Variants in DNMT1 observed in about 807,000 individuals in gnomAD.
DNMT1 encodes DNA (cytosine-5)-methyltransferase 1.
Under a neutral mutation model 205.3 loss-of-function variants are expected in DNMT1, and 24 were observed. The ratio of observed to expected loss-of-function variants is 0.12; its 90% CI spans 0.08 to 0.16. The LOEUF is 0.16. Among genes scored for constraint, DNMT1 ranks in the 10% least tolerant of loss-of-function variants. The pLI is 1.00. For missense variants in DNMT1, 1,293 were observed against 2,177.7 expected, an observed-to-expected ratio of 0.59 and a Z score of 8.09; for synonymous variants, 817 against 839.8, an observed-to-expected ratio of 0.97 and a Z score of 0.47.
chr19:10,138,437 A>G lies in DNMT1; in HGVS notation c.4115+2T>C. ...TGTGGAGGAGCGACGGGGGCCACCT[A>G]CCTGGTTATGTTGCTCACAAACTTC... is the stretch of plus-strand genomic sequence containing the variant. On this transcript the variant is annotated splice_donor_variant, in intron 35 of 40. Coordinates refer to ENST00000359526, the MANE Select transcript of DNMT1 (RefSeq NM_001130823.3). LOFTEE classifies it high-confidence loss of function. This position sits in a 1 kb window ranked among gnomAD's most constrained non-coding sequence, Gnocchi z 4.1. 1 of 1,613,932 alleles carries G rather than the reference A, an allele frequency of 6.2e-7. No homozygotes were observed. Among genetic ancestry groups the G allele is most frequent in the Non-Finnish European group, 8.5e-7 (1 of 1,180,032 alleles).
intron 34 of DNMT1, among the ~76,000 whole-genome samples, chr19:10,139,245 C>T (rs1329523134): frequency 6.6e-6 from 1 of 152,156 alleles, no homozygotes; most frequent in Non-Finnish European, 1.5e-5. Context: ...GGTTTGTGTG[C>T]GCAGTTACCC....
rs141779159 is a variant in DNMT1 at position 10,142,402 on chromosome 19, C to G, written c.3117-182G>C. Among the ~76,000 whole-genome samples, 802 of 149,202 alleles carry G rather than the reference C, an allele frequency of 5.4e-3. 4 individuals carry two copies. The highest frequency in any genetic ancestry group is 0.019 in the African/African-American group (775 of 40,262). On this transcript the variant is annotated intron_variant, in intron 29 of 40. Coordinates refer to ENST00000359526, the MANE Select transcript of DNMT1 (RefSeq NM_001130823.3). ...AGGGTAAAGATATCTCCTCCCCACACTGGGGAACTGCAAGGTAGACTCCCC... is the reference window on the plus strand; with the variant it reads ...AGGGTAAAGATATCTCCTCCCCACAGTGGGGAACTGCAAGGTAGACTCCCC...
At chr19:10,161,785 T>A (rs2038575393) in intron 13 of DNMT1, among the ~76,000 whole-genome samples, 1 of 152,100 alleles carries the variant, frequency 6.6e-6, no homozygotes, top group Admixed American at 6.6e-5. Flanking sequence ...AAGAGACAAT[T>A]ATGGTTAAAT....
chr19:10,148,734 G>T, intron 27 of DNMT1, 150 bp downstream of exon 27: 2 of 1,359,870 alleles, frequency 1.5e-6, no homozygotes, highest in Admixed American at 1.9e-5. Flanking sequence ...ACACACTTGA[G>T]CATCATTCAT....
intron 1 of DNMT1, among the ~76,000 whole-genome samples, chr19:10,192,995 C>G (rs186685864): frequency 6.6e-6 from 1 of 151,956 alleles, no homozygotes; most frequent in Non-Finnish European, 1.5e-5. Flanking sequence ...TGCAGTGAGC[C>G]GAGATCACGC....
At position 10,151,755 on chromosome 19, in the gene DNMT1, C is replaced by T. The variant is rs2145299708; in HGVS notation, c.2112G>A (p.Glu704=). ...GAAGACTCGGCCTGACCTACCTCCG[C>T]TCTTGGCAAGCCTGCTTGCTCCGTC... ...GSGRSKQACQ[E]RRCPNMAMKE... The change falls in exon 23 of 41, where the codon GAG becomes GAA. Residue 704 remains glutamate (E), a synonymous_variant. Transcript: ENST00000359526. This position sits in a 1 kb window ranked among gnomAD's most constrained non-coding sequence, Gnocchi z 5.0. 5 of 1,614,192 alleles carry T rather than the reference C, an allele frequency of 3.1e-6. No individual in the cohort carries two copies. Among genetic ancestry groups the T allele is most frequent in the East Asian group, 2.2e-5 (1 of 44,882 alleles).
At chr19:10,170,632 C>T (rs541633269) in intron 9 of DNMT1, among the ~76,000 whole-genome samples, 1 of 152,218 alleles carries the variant, frequency 6.6e-6, no homozygotes, top group South Asian at 2.1e-4. Flanking sequence ...GCAAGTAGAA[C>T]AAAACTCCGT....
intron 9 of DNMT1, 142 bp downstream of exon 9, chr19:10,172,948 A>T: frequency 2.1e-6 from 2 of 963,620 alleles, no homozygotes; most frequent in African/African-American, 1.6e-5. Context: ...GTGTTTAGCC[A>T]AAGTCAAAGG....
At chr19:10,171,722 G>A (rs1030173787) in intron 9 of DNMT1, among the ~76,000 whole-genome samples, 2 of 151,484 alleles carry the variant, frequency 1.3e-5, no homozygotes, top group African/African-American at 4.9e-5. Flanking sequence ...GGAGAATGGT[G>A]TGAACCCAGG....
Position 10,140,916 on chromosome 19 carries a change from G to A in DNMT1, c.3395-7C>T. ...GACTTGGGCTTGCCCTTCCCTGGGG[G>A]AGAGAGGCCAGAGGCTAAACCCGAT... On this transcript the variant is annotated splice_polypyrimidine_tract_variant and splice_region_variant and intron_variant, in intron 31 of 40. Coordinates refer to ENST00000359526, the MANE Select transcript of DNMT1 (RefSeq NM_001130823.3). The surrounding 1 kb of genome is among the most constrained non-coding windows in gnomAD (Gnocchi z 8.4). The A allele has an allele frequency of 6.2e-7, 1 of 1,613,896 alleles. No individual in the cohort carries two copies. The highest frequency in any genetic ancestry group is 8.5e-7 in the Non-Finnish European group (1 of 1,180,022).
chr19:10,190,783 AATAAAATAAAATAAAATAAAAT>A (rs1329324414), intron 1 of DNMT1, among the ~76,000 whole-genome samples: 18 of 106,074 alleles, frequency 1.7e-4, no homozygotes, highest in African/African-American at 5.5e-4. Context: ...AATAAAATAA[AATAAAATAAAATAAAATAAAAT>A]AAAATAAAAT....
Position 10,156,344 on chromosome 19 carries a change from G to T in DNMT1, c.1399+47C>A. On this transcript the variant is annotated intron_variant, in intron 18 of 40. Coordinates refer to ENST00000359526, the MANE Select transcript of DNMT1 (RefSeq NM_001130823.3). The surrounding 1 kb of genome is among the most constrained non-coding windows in gnomAD (Gnocchi z 4.2). ...TTACAGATGTGAGCCACCCTGCCTG[G>T]CTGTTTTTAAAGTGTGCCCCAAACA... 1 of 1,466,172 alleles carries T rather than the reference G, an allele frequency of 6.8e-7. No individual in the cohort carries two copies. Among genetic ancestry groups the T allele is most frequent in the Non-Finnish European group, 9.5e-7 (1 of 1,048,372 alleles). 90.8% of individuals were successfully genotyped at this position (1,466,172 alleles called of 1,614,324 possible). A position where few individuals can be genotyped will look rare whatever the true frequency, so the allele number is the denominator to read the frequency against.
In DNMT1 at chr19:10,179,605, G is replaced by A. The variant is rs570572606; in HGVS notation, c.493+582C>T. Among the ~76,000 whole-genome samples, 37 of 152,188 alleles carry A rather than the reference G, an allele frequency of 2.4e-4. 1 individual carries two copies. Among genetic ancestry groups the A allele is most frequent in the Non-Finnish European group, 3.5e-4 (24 of 68,024 alleles). ...GTCCAGTAATTACTAGTGAGGATGCGTACAAAAGAAAGGAACCTGGACACA... is the reference window on the plus strand; with the variant it reads ...GTCCAGTAATTACTAGTGAGGATGCATACAAAAGAAAGGAACCTGGACACA... On this transcript the variant is annotated intron_variant, in intron 5 of 40. Coordinates refer to ENST00000359526, the MANE Select transcript of DNMT1 (RefSeq NM_001130823.3).
chr19:10,138,643 G>A lies in DNMT1; in HGVS notation c.3949-38C>T. On this transcript the variant is annotated intron_variant, in intron 34 of 40. Transcript: ENST00000359526. The surrounding 1 kb of genome is among the most constrained non-coding windows in gnomAD (Gnocchi z 4.1). ...AGGACGGACAACCCCACCGTCAGTG[G>A]GACACTCCCAACTGGACTGGCCAGA... is the stretch of plus-strand genomic sequence containing the variant. 4.4e-6 allele frequency: 7 copies of A among 1,589,788 alleles called. No homozygotes were observed. The highest frequency in any genetic ancestry group is 6.0e-6 in the Non-Finnish European group (7 of 1,176,056).
chr19:10,136,969 C>T, intron 37 of DNMT1, 116 bp downstream of exon 37: 1 of 1,385,484 alleles, frequency 7.2e-7, no homozygotes, highest in Non-Finnish European at 1.0e-6. Context: ...TTCTCTGGGA[C>T]ACCCAGGCTT....
Position 10,133,402 on chromosome 19 carries a change from AGTCTT to A in DNMT1, c.*260_*264del. 1.8e-6 allele frequency: 1 copy of A among 544,136 alleles called. No homozygotes were observed. The highest frequency in any genetic ancestry group is 3.3e-6 in the Non-Finnish European group (1 of 305,390). The allele number at this position is 544,136 out of a possible 1,614,324, so 33.7% of individuals were successfully genotyped here. On this transcript the variant is annotated 3_prime_UTR_variant, in exon 41 of 41. Coordinates refer to ENST00000359526, the MANE Select transcript of DNMT1 (RefSeq NM_001130823.3). The surrounding 1 kb of genome is among the most constrained non-coding windows in gnomAD (Gnocchi z 4.1). ...ATTACAACATATAAAAACTACATAAAGTCTTAATTTCCACTCATACAGTGGTAGAT... is the reference window on the plus strand; with the variant it reads ...ATTACAACATATAAAAACTACATAAAAATTTCCACTCATACAGTGGTAGAT...
intron 1 of DNMT1, among the ~76,000 whole-genome samples, chr19:10,190,940 C>A (rs1401138993): frequency 6.6e-6 from 1 of 151,914 alleles, no homozygotes; most frequent in Non-Finnish European, 1.5e-5. Context: ...TGGCAAAACC[C>A]AGTCTCTAAT....
chr19:10,163,784 T>A (rs1233362794), intron 11 of DNMT1, among the ~76,000 whole-genome samples: 1 of 152,222 alleles, frequency 6.6e-6, no homozygotes, highest in Non-Finnish European at 1.5e-5. Flanking sequence ...GGCATGTGCC[T>A]GTAAACCCAG....
rs550419332 is a variant in DNMT1 at position 10,140,991 on chromosome 19, G to A, written c.3395-82C>T. On this transcript the variant is annotated intron_variant, in intron 31 of 40. Transcript: ENST00000359526. This position sits in a 1 kb window ranked among gnomAD's most constrained non-coding sequence, Gnocchi z 8.4. ...TCTCAAGCGCCTTGTTAACTCAGGC[G>A]GCCTCGCTGTCCCAGAGTCAGTAAC... 2.1e-5 allele frequency: 34 copies of A among 1,613,418 alleles called. No homozygotes were observed. The highest frequency in any genetic ancestry group is 1.1e-4 in the South Asian group (10 of 90,966).
Sources: allele counts gnomAD v4.1 joint callset (sites outside exome capture counted in the v4.1 genomes callset), GRCh38; gene constraint gnomAD v4.1.1; non-coding constraint Gnocchi (gnomAD v3.1); transcripts MANE v1.5; gene names NCBI Gene and HGNC (gene_info 2026-07-23, HGNC 2026-07-21).